HEMK2: variants seen among roughly 807,000 people sequenced by gnomAD.
The protein encoded by HEMK2 is HemK methyltransferase 2, ETF1 glutamine and histone H4 lysine, also known as methyltransferase HEMK2.
At chr21:28,602,119 A>G in the HEMK2 span, among the ~76,000 whole-genome samples, 1 of 151,520 alleles carries the variant, frequency 6.6e-6, no homozygotes, top group African/African-American at 2.4e-5. Flanking sequence ...TTTAACTATG[A>G]AGGAGAAAAG....
At chr21:28,684,442 T>C in the HEMK2 span, among the ~76,000 whole-genome samples, 1 of 152,210 alleles carries the variant, frequency 6.6e-6, no homozygotes, top group Non-Finnish European at 1.5e-5. Context: ...TATAATCCTT[T>C]ATGACACCTA....
the HEMK2 span, among the ~76,000 whole-genome samples, chr21:28,775,855 G>A: frequency 1.3e-5 from 2 of 152,066 alleles, no homozygotes; most frequent in Admixed American, 6.6e-5. Flanking sequence ...TTATTTAAGA[G>A]AAAATAAATT....
the HEMK2 span, among the ~76,000 whole-genome samples, chr21:28,858,107 T>A: frequency 5.6e-3 from 857 of 152,322 alleles, 8 homozygotes; most frequent in Non-Finnish European, 0.01. Context: ...TTTATTTGAA[T>A]ATGTCTCTTA....
the HEMK2 span, among the ~76,000 whole-genome samples, chr21:28,867,664 T>C: frequency 2.0e-5 from 3 of 152,204 alleles, no homozygotes; most frequent in African/African-American, 4.8e-5. Context: ...TTTCATCAGT[T>C]TCCCCTTGCC....
the HEMK2 span, among the ~76,000 whole-genome samples, chr21:28,811,028 A>ACCT: frequency 5.3e-5 from 8 of 152,310 alleles, no homozygotes; most frequent in South Asian, 1.7e-3. Context: ...GTTGTGCAAT[A>ACCT]CACACTGAAC....
At chr21:28,740,598 A>G in the HEMK2 span, among the ~76,000 whole-genome samples, 2 of 152,234 alleles carry the variant, frequency 1.3e-5, no homozygotes, top group African/African-American at 4.8e-5. Context: ...GCTTCATGCT[A>G]AAGTATTTCA....
chr21:28,835,732 C>CA, the HEMK2 span, among the ~76,000 whole-genome samples: 2 of 151,756 alleles, frequency 1.3e-5, no homozygotes, highest in African/African-American at 4.8e-5. Context: ...CAAGGAAATC[C>CA]AAAAAATGAT....
At chr21:28,725,291 T>C in the HEMK2 span, among the ~76,000 whole-genome samples, 2 of 152,228 alleles carry the variant, frequency 1.3e-5, no homozygotes, top group Non-Finnish European at 2.9e-5. Context: ...TTGGTTTTGA[T>C]GTCCCCCAAA....
At chr21:28,811,740 G>A in the HEMK2 span, among the ~76,000 whole-genome samples, 1 of 152,142 alleles carries the variant, frequency 6.6e-6, no homozygotes, top group Non-Finnish European at 1.5e-5. Flanking sequence ...ACTTTGCTAA[G>A]CTTTGTATCT....
chr21:28,858,163 G>A, the HEMK2 span, among the ~76,000 whole-genome samples: 4 of 152,258 alleles, frequency 2.6e-5, no homozygotes, highest in South Asian at 2.1e-4. Context: ...CTGCTTAAGC[G>A]GGGTTTATTT....
the HEMK2 span, among the ~76,000 whole-genome samples, chr21:28,774,915 T>A: frequency 3.9e-5 from 6 of 152,296 alleles, no homozygotes; most frequent in Admixed American, 2.6e-4. Context: ...TAAATTTAGA[T>A]CCATCTTGTT....
At chr21:28,836,758 CAGGGG>C in the HEMK2 span, among the ~76,000 whole-genome samples, 5 of 151,892 alleles carry the variant, frequency 3.3e-5, no homozygotes, top group Non-Finnish European at 7.4e-5. Flanking sequence ...CTGCTGCCTT[CAGGGG>C]ACTCAGCTAA....
the HEMK2 span, among the ~76,000 whole-genome samples, chr21:28,699,480 A>C: frequency 1.3e-5 from 2 of 152,236 alleles, no homozygotes; most frequent in African/African-American, 2.4e-5. Context: ...GCTGAGTTTG[A>C]ATTATTTTAG....
At chr21:28,868,984 T>C in the HEMK2 span, among the ~76,000 whole-genome samples, 2 of 152,182 alleles carry the variant, frequency 1.3e-5, no homozygotes, top group Non-Finnish European at 2.9e-5. Flanking sequence ...TCATTTTTTT[T>C]TTTCTTTATT....
chr21:28,642,476 G>A, the HEMK2 span, among the ~76,000 whole-genome samples: 72 of 152,316 alleles, frequency 4.7e-4, no homozygotes, highest in African/African-American at 1.6e-3. Context: ...GTGTCCAAGC[G>A]TGTTACTACC....
the HEMK2 span, among the ~76,000 whole-genome samples, chr21:28,664,355 T>C: frequency 6.6e-6 from 1 of 152,222 alleles, no homozygotes; most frequent in Non-Finnish European, 1.5e-5. Flanking sequence ...TTGTGTCATA[T>C]GTTTCTGGGT....
the HEMK2 span, among the ~76,000 whole-genome samples, chr21:28,625,983 TA>T: frequency 5.3e-5 from 8 of 152,140 alleles, no homozygotes; most frequent in African/African-American, 1.9e-4. Flanking sequence ...GAAGAAATGC[TA>T]AAGGCTATTC....
chr21:28,670,865 C>T, the HEMK2 span: 1 of 152,148 alleles, frequency 6.6e-6, no homozygotes, highest in Non-Finnish European at 1.5e-5. Flanking sequence ...TGAACTCTCT[C>T]ACTATTACAA....
the HEMK2 span, among the ~76,000 whole-genome samples, chr21:28,829,588 C>A: frequency 6.6e-6 from 1 of 152,178 alleles, no homozygotes; most frequent in Non-Finnish European, 1.5e-5. Flanking sequence ...AATTTCTGTT[C>A]ATTACAAATT....
Sources: allele counts gnomAD v4.1 joint callset (sites outside exome capture counted in the v4.1 genomes callset), GRCh38; gene constraint gnomAD v4.1.1; transcripts MANE v1.5; gene names NCBI Gene and HGNC (gene_info 2026-07-23, HGNC 2026-07-21).